Variants in NACA observed in about 807,000 individuals in gnomAD.
The protein encoded by NACA is nascent polypeptide associated complex subunit alpha, also known as nascent polypeptide-associated complex subunit alpha.
NACA carries 42 observed loss-of-function variants against 86.4 expected under a neutral mutation model. That is an observed-to-expected ratio of 0.49 (90% CI 0.38 to 0.63). NACA has a LOEUF of 0.63. NACA is among the 20% of genes least tolerant of loss of function. The pLI is 0.00. For synonymous variants in NACA, 898 were observed against 973.7 expected (o/e 0.92, Z 1.45); for missense variants, 2,157 against 2,483.6 (o/e 0.87, Z 2.80).
intron 6 of NACA, 132 bp downstream of exon 6, chr12:56,713,405 A>C: frequency 7.6e-7 from 1 of 1,318,036 alleles, no homozygotes; most frequent in Non-Finnish European, 1.0e-6. Flanking sequence ...ATGGCAATGG[A>C]GTTTTTGGGT....
At position 56,712,912 on chromosome 12, in the gene NACA, A is replaced by G; in HGVS notation, c.6100-4T>C. On this transcript the variant is annotated splice_region_variant and splice_polypyrimidine_tract_variant and intron_variant, in intron 7 of 8. Coordinates refer to ENST00000454682, the MANE Select transcript of NACA (RefSeq NM_001365896.1). Reference sequence around the variant, plus strand: ...CTTCTACACCTGTTTCATCGACCTGAGAGATGAGAGGGAAAAAGCAGTAAA... The same window carrying G: ...CTTCTACACCTGTTTCATCGACCTGGGAGATGAGAGGGAAAAAGCAGTAAA... The G allele has an allele frequency of 6.2e-7, 1 of 1,614,104 alleles. No homozygotes were observed. Among genetic ancestry groups the G allele is most frequent in the South Asian group, 1.1e-5 (1 of 91,074 alleles).
Position 56,716,349 on chromosome 12 carries a change from T to C in NACA, c.5181A>G (p.Lys1727=). Reference sequence around the variant, plus strand: ...CTGGAGCCACTGTGGAAAGGGGTCCTTTAGAACCATTCTTAGCTGAGGGAT... The same window carrying C: ...CTGGAGCCACTGTGGAAAGGGGTCCCTTAGAACCATTCTTAGCTGAGGGAT... ...CPDPSAKNGS[K]GPLSTVAPAP... The change falls in exon 3 of 9, where the codon AAA becomes AAG. Residue 1727 remains lysine (K), a synonymous_variant. Coordinates refer to ENST00000454682, the MANE Select transcript of NACA (RefSeq NM_001365896.1). The C allele has an allele frequency of 6.2e-7, 1 of 1,612,308 alleles. No individual in the cohort carries two copies. Among genetic ancestry groups the C allele is most frequent in the Non-Finnish European group, 8.5e-7 (1 of 1,179,398 alleles).
intron 2 of NACA, among the ~76,000 whole-genome samples, chr12:56,723,447 A>G (rs1339996762): frequency 6.6e-6 from 1 of 152,222 alleles, no homozygotes; most frequent in East Asian, 1.9e-4. Context: ...TTTAGAGAAC[A>G]GTACTTTATT....
chr12:56,724,530 G>A lies in NACA; in HGVS notation c.-2-7C>T, dbSNP rs752271026. The A allele has an allele frequency of 3.5e-5, 57 of 1,610,882 alleles. No homozygotes were observed. Among genetic ancestry groups the A allele is most frequent in the Non-Finnish European group, 4.8e-5 (56 of 1,178,618 alleles). On this transcript the variant is annotated splice_region_variant and splice_polypyrimidine_tract_variant and intron_variant, in intron 1 of 8. Coordinates refer to ENST00000454682, the MANE Select transcript of NACA (RefSeq NM_001365896.1). ...GTGGCTTCGCCGGGCATTTCTGAAG[G>A]AAGGGAATAAAAAGGAGGCCTAAAT...
Position 56,716,856 on chromosome 12 carries a change from A to T in NACA, c.4674T>A (p.Pro1558=). ...LIPPAMTVPS[P]KKTPAIPTPK... is the part of the protein sequence containing the mutation. ...GGGTTGGAATTGCTGGGGTCTTTTT[A>T]GGGGAGGGAACAGTCATAGCTGGGG... The change falls in exon 3 of 9, where the codon CCT becomes CCA. Residue 1558 remains proline (P), a synonymous_variant. Transcript: ENST00000454682. 9.7e-7 allele frequency: 1 copy of T among 1,034,096 alleles called. No homozygotes were observed. Among genetic ancestry groups the T allele is most frequent in the Non-Finnish European group, 1.2e-6 (1 of 862,044 alleles). 64.1% of individuals were successfully genotyped at this position (1,034,096 alleles called of 1,614,324 possible). A position where few individuals can be genotyped will look rare whatever the true frequency, so the allele number is the denominator to read the frequency against.
At position 56,718,421 on chromosome 12, in the gene NACA, C is replaced by G; in HGVS notation, c.3109G>C (p.Ala1037Pro). 39 of 1,168,146 alleles carry G rather than the reference C, an allele frequency of 3.3e-5. No individual in the cohort carries two copies. Among genetic ancestry groups the G allele is most frequent in the Non-Finnish European group, 4.2e-5 (39 of 938,832 alleles). The allele number at this position is 1,168,146 out of a possible 1,614,324, so 72.4% of individuals were successfully genotyped here. ...CCTTTGGGGGAGGGAGGAGTTGCAG[C>G]TGGGGGTGTGGATGCCCCTTTGGGG... Reference protein sequence around the residue: ...PFPKGASTPPAATPPSPKGSP... With the variant: ...PFPKGASTPPPATPPSPKGSP... Residue 1037 changes from alanine to proline, a missense_variant, in exon 3 of 9, where the codon GCT (alanine) becomes CCT (proline). Around this residue, in one of 8 missense-constraint regions of NACA, gnomAD observed 124 missense variants for 186.5 expected, o/e 0.66. Transcript: ENST00000454682.
Position 56,713,594 on chromosome 12 carries a change from T to C in NACA, c.5913A>G (p.Lys1971=), listed in dbSNP as rs11611171. The change falls in exon 6 of 9, where the codon AAA becomes AAG. Residue 1971 remains lysine (K), a synonymous_variant. Transcript: ENST00000454682. ...AAGCAGGGCTCTTGTAGACATCTGG[T>C]TTTGTGATGACAAAGAGGATATTCT... ...KSKNILFVIT[K]PDVYKSPASD... 6.2e-7 allele frequency: 1 copy of C among 1,614,054 alleles called. No homozygotes were observed. Among genetic ancestry groups the C allele is most frequent in the Non-Finnish European group, 8.5e-7 (1 of 1,179,934 alleles).
chr12:56,714,319 T>A (rs1565891938), intron 5 of NACA, 43 bp downstream of exon 5: 2 of 1,590,998 alleles, frequency 1.3e-6, no homozygotes, highest in Admixed American at 3.3e-5. Context: ...CCACTCTGTA[T>A]AAAGGTGCTT....
intron 1 of NACA, chr12:56,724,917 C>T (rs1221014472): frequency 4.8e-6 from 1 of 210,210 alleles, no homozygotes; most frequent in Non-Finnish European, 9.8e-6. Context: ...ACTTGCTTGT[C>T]ACAGGGAGAA....
chr12:56,715,834 C>T, intron 3 of NACA, 37 bp downstream of exon 3: 1 of 1,488,654 alleles, frequency 6.7e-7, no homozygotes. Context: ...GTGTGGACGA[C>T]AGACACACCA....
rs1395044957 is a variant in NACA, at chr12:56,719,556, C to T, written c.1974G>A (p.Val658=). The part of the protein sequence containing the change: ...FPLESADPAG[V]APTTAKGTST... ...AGGTACCTTTGGCAGTTGTGGGAGC[C>T]ACCCCGGCAGGGTCAGCACTTTCCA... Residue 658 remains valine, a synonymous_variant, in exon 3 of 9, where the codon GTG becomes GTA. Transcript: ENST00000454682. 3 of 1,613,766 alleles carry T rather than the reference C, an allele frequency of 1.9e-6. No individual in the cohort carries two copies. Among genetic ancestry groups the T allele is most frequent in the Non-Finnish European group, 2.5e-6 (3 of 1,179,886 alleles).
At position 56,718,750 on chromosome 12, in the gene NACA, G is replaced by A; in HGVS notation, c.2780C>T (p.Pro927Leu). The change falls in exon 3 of 9, where the codon CCT becomes CTT. Residue 927 changes from proline to leucine, a missense_variant. Around this residue, in one of 8 missense-constraint regions of NACA, gnomAD observed 174 missense variants for 217.0 expected, o/e 0.80. Coordinates refer to ENST00000454682, the MANE Select transcript of NACA (RefSeq NM_001365896.1). Reference sequence around the variant, plus strand: ...GGATGGGGAAGCTGGGATTCCTTTAGGGGCTGGAGTTGCTCGGGCCTTTTT... The same window carrying A: ...GGATGGGGAAGCTGGGATTCCTTTAAGGGCTGGAGTTGCTCGGGCCTTTTT... ...SPKKARATPA[P>L]KGIPASPSPK... 6.9e-7 allele frequency: 1 copy of A among 1,446,042 alleles called. No homozygotes were observed. Among genetic ancestry groups the A allele is most frequent in the Non-Finnish European group, 9.3e-7 (1 of 1,071,138 alleles). The allele number at this position is 1,446,042 out of a possible 1,614,324, so 89.6% of individuals were successfully genotyped here.
Position 56,716,850 on chromosome 12 carries a change from C to G in NACA, c.4680G>C (p.Lys1560Asn). The change falls in exon 3 of 9, where the codon AAG (lysine) becomes AAC (asparagine). Residue 1560 changes from lysine (K) to asparagine (N), a missense_variant. Physicochemically the swap from Lys to Asn is moderately conservative, Grantham distance 94. Coordinates refer to ENST00000454682, the MANE Select transcript of NACA (RefSeq NM_001365896.1). ...PPAMTVPSPK[K>N]TPAIPTPKEA... ...CTTTGGGGGTTGGAATTGCTGGGGT[C>G]TTTTTAGGGGAGGGAACAGTCATAG... 3 of 1,117,430 alleles carry G rather than the reference C, an allele frequency of 2.7e-6. No homozygotes were observed. The highest frequency in any genetic ancestry group is 4.7e-5 in the Admixed American group (1 of 21,184). The allele number at this position is 1,117,430 out of a possible 1,614,324, so 69.2% of individuals were successfully genotyped here.
Position 56,716,023 on chromosome 12 carries a change from T to A in NACA, c.5507A>T (p.Asp1836Val). ...ESPSKPLAPADEDELLPLIPP... is the reference protein window; with the variant it reads ...ESPSKPLAPAVEDELLPLIPP... ...AATCAGAGGCAGCAGCTCATCCTCATCAGCAGGGGCAAGGGGTTTAGAGGG... is the reference window on the plus strand; with the variant it reads ...AATCAGAGGCAGCAGCTCATCCTCAACAGCAGGGGCAAGGGGTTTAGAGGG... The change falls in exon 3 of 9, where the codon GAT becomes GTT. Residue 1836 changes from aspartate to valine, a missense_variant. This residue lies in a region of NACA where 797 missense variants were observed against 777.6 expected (regional missense o/e 1.02). Coordinates refer to ENST00000454682, the MANE Select transcript of NACA (RefSeq NM_001365896.1). 1 of 1,604,138 alleles carries A rather than the reference T, an allele frequency of 6.2e-7. No individual in the cohort carries two copies. Among genetic ancestry groups the A allele is most frequent in the Non-Finnish European group, 8.5e-7 (1 of 1,173,912 alleles).
At position 56,713,118 on chromosome 12, in the gene NACA, T is replaced by C; in HGVS notation, c.6043A>G (p.Asn2015Asp). ...GGAGTCTGTGTGTTTTCTTGAATGT[T>C]TGAGACAGCTTCACCTTGAACTTTG... The part of the protein sequence containing the change: ...KFKVQGEAVS[N>D]IQENTQTPTV... The change falls in exon 7 of 9, where the codon AAC becomes GAC. Residue 2015 changes from asparagine (N) to aspartate (D), a missense_variant. By Grantham distance (23) the Asn-to-Asp change is conservative. This residue lies in a region of NACA where 81 missense variants were observed against 200.6 expected (regional missense o/e 0.40). Coordinates refer to ENST00000454682, the MANE Select transcript of NACA (RefSeq NM_001365896.1). 3.1e-6 allele frequency: 5 copies of C among 1,614,096 alleles called. No homozygotes were observed. Among genetic ancestry groups the C allele is most frequent in the African/African-American group, 1.3e-5 (1 of 75,058 alleles).
Position 56,719,075 on chromosome 12 carries a change from T to C in NACA, c.2455A>G (p.Thr819Ala), listed in dbSNP as rs1397422699. Residue 819 changes from threonine (T) to alanine (A), a missense_variant, in exon 3 of 9, where the codon ACT (threonine) becomes GCT (alanine). This residue lies in a region of NACA where 174 missense variants were observed against 217.0 expected (regional missense o/e 0.80). Transcript: ENST00000454682. ...GGGGATGAGAGATTTCCAATAGGAG[T>C]ATCAGGGCCAGCAGAACCCTTCTTG... ...PTKKGSAGPDTPIGNLSSPVS... is the reference protein window; with the variant it reads ...PTKKGSAGPDAPIGNLSSPVS... 6.9e-7 allele frequency: 1 copy of C among 1,449,382 alleles called. No homozygotes were observed. Among genetic ancestry groups the C allele is most frequent in the African/African-American group, 1.4e-5 (1 of 71,410 alleles). 89.8% of individuals were successfully genotyped at this position (1,449,382 alleles called of 1,614,324 possible). A position where few individuals can be genotyped will look rare whatever the true frequency, so the allele number is the denominator to read the frequency against.
chr12:56,717,025 GC>G lies in NACA; in HGVS notation c.4504del (p.Ala1502ProfsTer7). ...AGGAATCACAGCTGGCAGAGTGGGG[GC>G]CCCCATGGGGGCTGGAGTTGCTGGG... is the stretch of plus-strand genomic sequence containing the variant. ...KAPATPAPMG[A>X]PTLPAVIPSS... is the part of the protein sequence containing the mutation. On this transcript the variant is annotated frameshift_variant, in exon 3 of 9. Coordinates refer to ENST00000454682, the MANE Select transcript of NACA (RefSeq NM_001365896.1). LOFTEE classifies it high-confidence loss of function. 1.6e-6 allele frequency: 2 copies of G among 1,274,996 alleles called. No individual in the cohort carries two copies. The highest frequency in any genetic ancestry group is 2.0e-6 in the Non-Finnish European group (2 of 992,122). The allele number at this position is 1,274,996 out of a possible 1,614,324, so 79.0% of individuals were successfully genotyped here.
At chr12:56,723,260 C>T in intron 2 of NACA, among the ~76,000 whole-genome samples, 1 of 152,174 alleles carries the variant, frequency 6.6e-6, no homozygotes, top group East Asian at 1.9e-4. Context: ...GCAACTCAGA[C>T]TATTCAGGAA....
At chr12:56,723,794 A>G (rs1953637382) in intron 2 of NACA, among the ~76,000 whole-genome samples, 2 of 152,224 alleles carry the variant, frequency 1.3e-5, no homozygotes, top group Admixed American at 1.3e-4. Flanking sequence ...TAAGTTTTCT[A>G]CAGAGATATG....
Sources: allele counts gnomAD v4.1 joint callset (sites outside exome capture counted in the v4.1 genomes callset), GRCh38; gene constraint gnomAD v4.1.1; regional missense constraint gnomAD v4.1.1; transcripts MANE v1.5; gene names NCBI Gene and HGNC (gene_info 2026-07-23, HGNC 2026-07-21).